MDGA2: variants seen among roughly 807,000 people sequenced by gnomAD.
MDGA2 encodes MAM domain containing glycosylphosphatidylinositol anchor 2.
In MDGA2, 40 loss-of-function variants were observed where a neutral mutation model predicts 117.8. That is an observed-to-expected ratio of 0.34 (90% CI 0.26 to 0.44). The LOEUF is 0.44. MDGA2 is among the 20% of genes least tolerant of loss of function. The pLI is 1.00. For synonymous variants in MDGA2, 452 were observed against 439.0 expected (o/e 1.03, Z -0.37); for missense variants, 1,123 against 1,250.6 (o/e 0.90, Z 1.54).
intron 4 of MDGA2, among the ~76,000 whole-genome samples, chr14:47,138,241 C>G (rs1882552028): frequency 6.6e-6 from 1 of 151,830 alleles, no homozygotes; most frequent in African/African-American, 2.4e-5. Context: ...GAATTTGATA[C>G]TTTGGGTGTT....
Position 47,502,215 on chromosome 14 carries a change from T to C in MDGA2, c.280+172302A>G, listed in dbSNP as rs568205918. On this transcript the variant is annotated intron_variant, in intron 1 of 16. Transcript: ENST00000399232. ...TCCAGGAATGTTTGTAATTATATAA[T>C]ATATATTAAAAAGTATCCCTTACTT... 2.7e-3 allele frequency among the ~76,000 whole-genome samples: 413 copies of C among 152,236 alleles called. 2 individuals carry two copies. Among genetic ancestry groups the C allele is most frequent in the African/African-American group, 9.7e-3 (403 of 41,544 alleles).
chr14:47,494,797 T>C (rs896931047), intron 1 of MDGA2, among the ~76,000 whole-genome samples: 5 of 151,598 alleles, frequency 3.3e-5, no homozygotes, highest in African/African-American at 1.2e-4. Context: ...CTCCAGTGTA[T>C]ATTTTTTCAC....
intron 1 of MDGA2, among the ~76,000 whole-genome samples, chr14:47,658,596 A>G (rs1566562347): frequency 6.6e-6 from 1 of 152,172 alleles, no homozygotes; most frequent in Non-Finnish European, 1.5e-5. Flanking sequence ...CAAACAGGAT[A>G]AGCAAGCAGA....
At chr14:47,532,231 G>A (rs575392996) in intron 1 of MDGA2, among the ~76,000 whole-genome samples, 2 of 152,248 alleles carry the variant, frequency 1.3e-5, no homozygotes, top group South Asian at 4.1e-4. Flanking sequence ...AATTACGATT[G>A]CAGTCATTAG....
intron 1 of MDGA2, among the ~76,000 whole-genome samples, chr14:47,600,511 AT>A (rs1222706938): frequency 6.6e-6 from 1 of 152,104 alleles, no homozygotes; most frequent in Non-Finnish European, 1.5e-5. Context: ...TATTGAATGA[AT>A]GTCTACATGG....
intron 8 of MDGA2, among the ~76,000 whole-genome samples, chr14:46,989,287 C>T (rs1886987662): frequency 6.6e-6 from 1 of 151,614 alleles, no homozygotes; most frequent in Non-Finnish European, 1.5e-5. Context: ...AAATGGAACT[C>T]CCCCCACACA....
chr14:47,136,596 C>T (rs994955218), intron 4 of MDGA2, among the ~76,000 whole-genome samples: 1 of 152,050 alleles, frequency 6.6e-6, no homozygotes. Flanking sequence ...TGAGTTAATG[C>T]TTTTGTCTAT....
intron 1 of MDGA2, among the ~76,000 whole-genome samples, chr14:47,563,518 T>A (rs898718597): frequency 2.0e-5 from 3 of 149,014 alleles, no homozygotes; most frequent in Non-Finnish European, 3.0e-5. Context: ...TTTAAAAAAA[T>A]TTTTGTTGGT....
intron 1 of MDGA2, among the ~76,000 whole-genome samples, chr14:47,654,792 G>A (rs1406958905): frequency 5.3e-5 from 8 of 151,952 alleles, no homozygotes; most frequent in Non-Finnish European, 1.0e-4. Context: ...AAAAGAAGAA[G>A]AAAAAAGACT....
At chr14:47,325,264 G>T (rs999554093) in intron 1 of MDGA2, among the ~76,000 whole-genome samples, 1 of 152,092 alleles carries the variant, frequency 6.6e-6, no homozygotes, top group Admixed American at 6.5e-5. Context: ...CAAATGTAAC[G>T]GGGATGATTG....
chr14:46,891,987 C>T (rs972608125), intron 10 of MDGA2, among the ~76,000 whole-genome samples: 3 of 151,810 alleles, frequency 2.0e-5, no homozygotes, highest in African/African-American at 7.2e-5. Flanking sequence ...TGGTCACAGT[C>T]AGGTTAACAT....
chr14:46,851,839 C>T (rs1881067645), intron 15 of MDGA2, among the ~76,000 whole-genome samples: 1 of 151,422 alleles, frequency 6.6e-6, no homozygotes, highest in Non-Finnish European at 1.5e-5. Context: ...TCAGGAGTTC[C>T]TAGAAGACGT....
At chr14:46,986,483 C>A (rs1886862814) in intron 8 of MDGA2, among the ~76,000 whole-genome samples, 1 of 149,780 alleles carries the variant, frequency 6.7e-6, no homozygotes, top group African/African-American at 2.5e-5. Flanking sequence ...ACACTGATCC[C>A]AGAATATCCC....
rs190785447 is a variant in MDGA2 at position 47,045,551 on chromosome 14, G to A, written c.1526-10247C>T. On this transcript the variant is annotated intron_variant, in intron 7 of 16. Coordinates refer to ENST00000399232, the MANE Select transcript of MDGA2 (RefSeq NM_001113498.3). ...TTCTGAAACAACTAAGTAAACAGGA[G>A]CAAGATATTTCAGCTTGTTAAAGAA... is the stretch of plus-strand genomic sequence containing the variant. Among the ~76,000 whole-genome samples, 510 of 152,130 alleles carry A rather than the reference G, an allele frequency of 3.4e-3. 6 individuals are homozygous for A. Among genetic ancestry groups the A allele is most frequent in the African/African-American group, 0.011 (477 of 41,500 alleles).
chr14:46,945,663 T>C (rs1885147028), intron 9 of MDGA2, among the ~76,000 whole-genome samples: 1 of 152,116 alleles, frequency 6.6e-6, no homozygotes, highest in Non-Finnish European at 1.5e-5. Context: ...CAGAAATCCA[T>C]GCTCGGCTTG....
At position 47,522,897 on chromosome 14, in the gene MDGA2, C is replaced by T. The variant is rs1650699522; in HGVS notation, c.280+151620G>A. On this transcript the variant is annotated intron_variant, in intron 1 of 16. Transcript: ENST00000399232. ...ATTTTGATTTAAAATTGATTAGCAT[C>T]TTTGGAAATAATGTGTCACGAATTG... Among the ~76,000 whole-genome samples the T allele has an allele frequency of 2.0e-5, 3 of 152,264 alleles. No individual in the cohort carries two copies. In the South Asian group the frequency reaches 6.2e-4, roughly 32 times the overall value.
chr14:46,927,306 A>T (rs1486106750), intron 9 of MDGA2, among the ~76,000 whole-genome samples: 1 of 152,298 alleles, frequency 6.6e-6, no homozygotes, highest in Admixed American at 6.5e-5. Flanking sequence ...TATTAAAAGT[A>T]AGTAATACAG....
chr14:47,621,939 G>T (rs1897057284), intron 1 of MDGA2, among the ~76,000 whole-genome samples: 1 of 152,172 alleles, frequency 6.6e-6, no homozygotes, highest in African/African-American at 2.4e-5. Flanking sequence ...TATTACATAG[G>T]AATTAACATG....
At chr14:47,664,364 T>C (rs1410434536) in intron 1 of MDGA2, among the ~76,000 whole-genome samples, 1 of 152,162 alleles carries the variant, frequency 6.6e-6, no homozygotes, top group African/African-American at 2.4e-5. Flanking sequence ...TATTATGAGG[T>C]TCAACTGCTA....
Sources: allele counts gnomAD v4.1 joint callset (sites outside exome capture counted in the v4.1 genomes callset), GRCh38; gene constraint gnomAD v4.1.1; transcripts MANE v1.5; gene names NCBI Gene and HGNC (gene_info 2026-07-23, HGNC 2026-07-21).